The following ACAD8 variants were observed in gnomAD, a reference collection of about 807,000 sequenced individuals.
The protein encoded by ACAD8 is acyl-CoA dehydrogenase family member 8.
In ACAD8, 47 loss-of-function variants were observed where a neutral mutation model predicts 53.1. That is an observed-to-expected ratio of 0.89 (90% CI 0.70 to 1.13). ACAD8 has a LOEUF of 1.13. Among genes scored for constraint, ACAD8 ranks in the 50% most tolerant of loss-of-function variants. The pLI is 0.00. For synonymous variants in ACAD8, 198 were observed against 201.3 expected, an observed-to-expected ratio of 0.98 and a Z score of 0.14; for missense variants, 494 against 535.0, an observed-to-expected ratio of 0.92 and a Z score of 0.76.
At chr11:134,260,203 T>G in intron 6 of ACAD8, 1 of 1,108,994 alleles carries the variant, frequency 9.0e-7, no homozygotes. Context: ...GAAGGACACT[T>G]AGGTACTGTA....
chr11:134,262,055 C>A, intron 9 of ACAD8, 165 bp downstream of exon 9: 1 of 817,548 alleles, frequency 1.2e-6, no homozygotes, highest in Non-Finnish European at 2.0e-6. Context: ...TATGTGGGAG[C>A]TCTCATCGCT....
At chr11:134,262,764 C>G (rs1182227486) in intron 10 of ACAD8, 142 bp downstream of exon 10, 14 of 1,503,544 alleles carry the variant, frequency 9.3e-6, no homozygotes, top group Non-Finnish European at 1.2e-5. Context: ...CCCTCCCGTT[C>G]CGCAGAGCTG....
rs886737040 is a variant in ACAD8, at chr11:134,257,671, C to CA, written c.380+422dup. 71 of 276,050 alleles carry CA rather than the reference C, an allele frequency of 2.6e-4. 1 individual carries two copies. Among genetic ancestry groups the CA allele is most frequent in the Non-Finnish European group, 4.4e-4 (62 of 140,842 alleles). The allele number at this position is 276,050 out of a possible 1,614,324, so 17.1% of individuals were successfully genotyped here. On this transcript the variant is annotated intron_variant, in intron 3 of 10. Transcript: ENST00000281182. ...TGGGCGACAGAGCGAGACTCCATCT[C>CA]AAAAAAAATAAATAAATAAAATAAG... is the stretch of plus-strand genomic sequence containing the variant.
chr11:134,258,608 C>T lies in ACAD8; in HGVS notation c.474C>T (p.Tyr158=). The T allele has an allele frequency of 6.2e-7, 1 of 1,613,724 alleles. No homozygotes were observed. The highest frequency in any genetic ancestry group is 8.5e-7 in the Non-Finnish European group (1 of 1,179,762). The change falls in exon 4 of 11, where the codon TAC becomes TAT. Residue 158 remains tyrosine, a synonymous_variant. Transcript: ENST00000281182. The part of the protein sequence containing the change: ...PLCTMEKFAS[Y]CLTEPGSGSD... ...GTACCATGGAGAAGTTTGCTTCCTA[C>T]TGCCTCACTGAACCAGGTGAATTTG...
intron 1 of ACAD8, among the ~76,000 whole-genome samples, chr11:134,255,950 G>A (rs1432804118): frequency 6.6e-6 from 1 of 152,144 alleles, no homozygotes. Flanking sequence ...CTGTCACCCA[G>A]GCTAGAGTGC....
chr11:134,258,353 C>T (rs781411682), intron 3 of ACAD8, 162 bp from the exon 4 acceptor site: 31 of 675,172 alleles, frequency 4.6e-5, no homozygotes, highest in Admixed American at 2.1e-4. Flanking sequence ...TTTAATCCAC[C>T]GTTTGCCTTT....
At chr11:134,262,025 A>G in intron 9 of ACAD8, 135 bp downstream of exon 9, 1 of 1,114,278 alleles carries the variant, frequency 9.0e-7, no homozygotes, top group Non-Finnish European at 1.3e-6. Flanking sequence ...TTAAGGATAT[A>G]AATGAACTCA....
chr11:134,261,893 A>G lies in ACAD8; in HGVS notation c.1092+3A>G. ...TTGCTACAGATGAATGCTTTGCCGT[A>G]AGTGATTCCTCTGGCTCTCCTGGGA... On this transcript the variant is annotated splice_donor_region_variant and intron_variant, in intron 9 of 10. Coordinates refer to ENST00000281182, the MANE Select transcript of ACAD8 (RefSeq NM_014384.3). This position sits in a 1 kb window ranked among gnomAD's most constrained non-coding sequence, Gnocchi z 4.2. The G allele has an allele frequency of 6.2e-7, 1 of 1,613,826 alleles. No homozygotes were observed. The highest frequency in any genetic ancestry group is 1.1e-5 in the South Asian group (1 of 91,052).
At chr11:134,258,785 C>T (rs1373715039) in intron 4 of ACAD8, 161 bp downstream of exon 4, 1 of 733,606 alleles carries the variant, frequency 1.4e-6, no homozygotes, top group Non-Finnish European at 2.4e-6. Context: ...GTCACAAGGA[C>T]CAAGAAGCCT....
At position 134,262,511 on chromosome 11, in the gene ACAD8, T is replaced by C; in HGVS notation, c.1093-9T>C. Reference sequence around the variant, plus strand: ...GAGTCCAAGACGTCTAGTCCCTGTCTCCCTGCAGATCTGCAACCAGGCCTT... The same window carrying C: ...GAGTCCAAGACGTCTAGTCCCTGTCCCCCTGCAGATCTGCAACCAGGCCTT... On this transcript the variant is annotated splice_polypyrimidine_tract_variant and intron_variant, in intron 9 of 10. Transcript: ENST00000281182. 1.2e-6 allele frequency: 2 copies of C among 1,602,748 alleles called. No homozygotes were observed. The highest frequency in any genetic ancestry group is 1.7e-6 in the Non-Finnish European group (2 of 1,170,372).
At chr11:134,263,435 T>C in intron 10 of ACAD8, 1 of 983,658 alleles carries the variant, frequency 1.0e-6, no homozygotes, top group Non-Finnish European at 1.2e-6. Context: ...GAGGGTCTAG[T>C]GTGGGCCTGG....
chr11:134,260,305 A>G (rs899752777), intron 6 of ACAD8: 2 of 600,238 alleles, frequency 3.3e-6, no homozygotes, highest in Non-Finnish European at 4.4e-6. Flanking sequence ...CGTAATTGGT[A>G]ATAAGGGCTC....
At chr11:134,264,672 C>G (rs1217795175) in intron 10 of ACAD8, among the ~76,000 whole-genome samples, 1 of 152,032 alleles carries the variant, frequency 6.6e-6, no homozygotes. Flanking sequence ...CCTTTTTAAA[C>G]TTTATATAAG....
intron 9 of ACAD8, chr11:134,262,271 T>C (rs1412410945): frequency 7.6e-6 from 5 of 658,824 alleles, no homozygotes; most frequent in South Asian, 6.0e-5. Flanking sequence ...AGCTTCTGCC[T>C]GGCAGGTAAT....
rs1194674341 is a variant in ACAD8, at chr11:134,261,326, A to C, written c.893A>C (p.His298Pro). ...GCCTCTGTCATCCTCACCCGAGACC[A>C]CCTCAATGTCCGGAAGCAGTTTGGA... ...AHASVILTRD[H>P]LNVRKQFGEP... The change falls in exon 8 of 11, where the codon CAC (histidine) becomes CCC (proline). Residue 298 changes from histidine to proline, a missense_variant. His to Pro is a moderately conservative substitution (Grantham distance 77, BLOSUM62 -2). Coordinates refer to ENST00000281182, the MANE Select transcript of ACAD8 (RefSeq NM_014384.3). The surrounding 1 kb of genome is among the most constrained non-coding windows in gnomAD (Gnocchi z 4.2). The C allele has an allele frequency of 1.2e-6, 2 of 1,613,888 alleles. No individual in the cohort carries two copies. The highest frequency in any genetic ancestry group is 2.2e-5 in the East Asian group (1 of 44,848).
chr11:134,257,373 C>A lies in ACAD8; in HGVS notation c.380+116C>A, dbSNP rs554146675. The A allele has an allele frequency of 2.2e-5, 29 of 1,324,740 alleles. 1 individual carries two copies. The Admixed American group carries it at 3.4e-4, about 16-fold the overall frequency. The allele number at this position is 1,324,740 out of a possible 1,614,324, so 82.1% of individuals were successfully genotyped here. A position where few individuals can be genotyped will look rare whatever the true frequency, so the allele number is the denominator to read the frequency against. ...AGCTGAGTGTCCTCAAGGAACTGGA[C>A]TTAAAAGTACACTCTAGGGGCCGGG... On this transcript the variant is annotated intron_variant, in intron 3 of 10. Coordinates refer to ENST00000281182, the MANE Select transcript of ACAD8 (RefSeq NM_014384.3).
At chr11:134,255,672 T>C (rs917805697) in intron 1 of ACAD8, among the ~76,000 whole-genome samples, 2 of 152,222 alleles carry the variant, frequency 1.3e-5, no homozygotes, top group African/African-American at 4.8e-5. Flanking sequence ...AGCCTAATCG[T>C]TAATCCTCAG....
At position 134,265,335 on chromosome 11, in the gene ACAD8, CA is replaced by C. The variant is rs1940120135; in HGVS notation, c.*376del. 1 of 242,200 alleles carries C rather than the reference CA, an allele frequency of 4.1e-6. No individual in the cohort carries two copies. The highest frequency in any genetic ancestry group is 8.1e-6 in the Non-Finnish European group (1 of 123,284). 15.0% of individuals were successfully genotyped at this position (242,200 alleles called of 1,614,324 possible). Reference sequence around the variant, plus strand: ...CCTCCTCTAGGGGCCTGGGGACTTTCACTGATGCTCTTCCTGATTCTAGAGC... The same window carrying C: ...CCTCCTCTAGGGGCCTGGGGACTTTCCTGATGCTCTTCCTGATTCTAGAGC... On this transcript the variant is annotated 3_prime_UTR_variant, in exon 11 of 11. Coordinates refer to ENST00000281182, the MANE Select transcript of ACAD8 (RefSeq NM_014384.3).
Position 134,261,692 on chromosome 11 carries a change from T to C in ACAD8, c.940-46T>C. 6.2e-7 allele frequency: 1 copy of C among 1,609,838 alleles called. No homozygotes were observed. The highest frequency in any genetic ancestry group is 2.2e-5 in the East Asian group (1 of 44,764). ...CCGAGGCTCCTGCACCAGGTGCTGG[T>C]CTAAGCCCCTCAGTCTTGTCTGGTT... On this transcript the variant is annotated intron_variant, in intron 8 of 10. Transcript: ENST00000281182. This position sits in a 1 kb window ranked among gnomAD's most constrained non-coding sequence, Gnocchi z 4.2.
Sources: allele counts gnomAD v4.1 joint callset (sites outside exome capture counted in the v4.1 genomes callset), GRCh38; gene constraint gnomAD v4.1.1; non-coding constraint Gnocchi (gnomAD v3.1); transcripts MANE v1.5; gene names NCBI Gene and HGNC (gene_info 2026-07-23, HGNC 2026-07-21).